The following ANKRD33B variants were observed in gnomAD, a reference collection of about 807,000 sequenced individuals.
ANKRD33B encodes the protein ankyrin repeat domain 33B, also known as ankyrin repeat domain-containing protein 33B.
A neutral mutation model predicts 21.5 loss-of-function variants in ANKRD33B; 6 were observed. The observed-to-expected ratio is 0.28, with a 90% CI of 0.15 to 0.55. The LOEUF (loss-of-function observed/expected upper bound fraction) is 0.55. Ranked by LOEUF, ANKRD33B falls within the 20% of genes least tolerant of loss-of-function variation. The pLI, the probability that ANKRD33B is intolerant of heterozygous loss-of-function variation, is 0.94. For synonymous variants in ANKRD33B, 347 were observed against 342.4 expected (o/e 1.01, Z -0.15); for missense variants, 698 against 747.2 (o/e 0.93, Z 0.77).
intron 1 of ANKRD33B, among the ~76,000 whole-genome samples, chr5:10,589,170 TGG>T (rs1466903274): frequency 2.0e-5 from 3 of 152,098 alleles, no homozygotes; most frequent in Non-Finnish European, 4.4e-5. Flanking sequence ...AACCGTGCTG[TGG>T]GAAACCCACC....
intron 2 of ANKRD33B, among the ~76,000 whole-genome samples, chr5:10,637,425 G>GAGACAC (rs1275126479): frequency 1.1e-3 from 109 of 100,392 alleles, no homozygotes; most frequent in African/African-American, 4.2e-3. Context: ...TAGGTAGTTA[G>GAGACAC]ACACACACAC....
intron 1 of ANKRD33B, among the ~76,000 whole-genome samples, chr5:10,595,701 G>A (rs1018368485): frequency 2.0e-5 from 3 of 152,178 alleles, no homozygotes; most frequent in Admixed American, 6.5e-5. Flanking sequence ...CTTAAGAGAC[G>A]AAATGAATCT....
Position 10,649,502 on chromosome 5 carries a change from A to G in ANKRD33B, c.874A>G (p.Thr292Ala). The G allele has an allele frequency of 6.5e-7, 1 of 1,534,604 alleles. No homozygotes were observed. The highest frequency in any genetic ancestry group is 8.7e-7 in the Non-Finnish European group (1 of 1,146,182). The change falls in exon 4 of 4, where the codon ACG becomes GCG. Residue 292 changes from threonine (T) to alanine (A), a missense_variant. Coordinates refer to ENST00000296657, the MANE Select transcript of ANKRD33B (RefSeq NM_001164440.2). The stretch of plus-strand genomic sequence containing the variant: ...CACAGACTGCGTGCTGTCCGTGCTG[A>G]CGCCGCGCTCCGTGCGGGGCCCGGA... ...RLTDCVLSVLTPRSVRGPEDG... is the reference protein window; with the variant it reads ...RLTDCVLSVLAPRSVRGPEDG...
chr5:10,625,063 T>G, intron 2 of ANKRD33B: 1 of 297,316 alleles, frequency 3.4e-6, no homozygotes, highest in Non-Finnish European at 6.7e-6. Flanking sequence ...CCACGAGAGA[T>G]GTTGTCAGAC....
intron 2 of ANKRD33B, among the ~76,000 whole-genome samples, chr5:10,637,101 G>A (rs1413905648): frequency 2.0e-5 from 3 of 152,172 alleles, no homozygotes; most frequent in African/African-American, 7.2e-5. Context: ...AGGGGGAGAT[G>A]TATTCACACA....
At chr5:10,638,847 C>T (rs941275202) in intron 3 of ANKRD33B, among the ~76,000 whole-genome samples, 23 of 151,904 alleles carry the variant, frequency 1.5e-4, no homozygotes, top group Non-Finnish European at 2.9e-4. Flanking sequence ...TACATGGTAA[C>T]ATTAAGAGGC....
chr5:10,653,819 C>T lies in ANKRD33B; in HGVS notation c.*3706C>T, dbSNP rs984896165. 1 of 152,428 alleles carries T rather than the reference C, an allele frequency of 6.6e-6. No individual in the cohort carries two copies. The allele number at this position is 152,428 out of a possible 1,614,324, so 9.4% of individuals were successfully genotyped here. On this transcript the variant is annotated 3_prime_UTR_variant, in exon 4 of 4. Coordinates refer to ENST00000296657, the MANE Select transcript of ANKRD33B (RefSeq NM_001164440.2). The stretch of plus-strand genomic sequence containing the variant: ...CCTTGGAGAACATTTTTCATTTTGT[C>T]TGTTTTCGTTGCTTTGAACAGCTGC...
At chr5:10,603,411 C>T (rs1735974940) in intron 1 of ANKRD33B, among the ~76,000 whole-genome samples, 2 of 151,496 alleles carry the variant, frequency 1.3e-5, no homozygotes, top group African/African-American at 4.9e-5. Flanking sequence ...TATAGGTGTG[C>T]ACCACCATGC....
At chr5:10,637,423 T>TACACACAC (rs1326182714) in intron 2 of ANKRD33B, among the ~76,000 whole-genome samples, 2 of 48,334 alleles carry the variant, frequency 4.1e-5, no homozygotes, top group Non-Finnish European at 7.6e-5. Context: ...CGTAGGTAGT[T>TACACACAC]AGACACACAC....
At chr5:10,612,220 A>T (rs1736186423) in intron 1 of ANKRD33B, among the ~76,000 whole-genome samples, 1 of 152,228 alleles carries the variant, frequency 6.6e-6, no homozygotes, top group Non-Finnish European at 1.5e-5. Flanking sequence ...CTGCTATAGC[A>T]AAATACAGTA....
intron 1 of ANKRD33B, among the ~76,000 whole-genome samples, chr5:10,605,803 A>G (rs1439000955): frequency 6.6e-6 from 1 of 152,192 alleles, no homozygotes; most frequent in Non-Finnish European, 1.5e-5. Flanking sequence ...TGCTGGGATT[A>G]CAGGCATGAG....
intron 1 of ANKRD33B, among the ~76,000 whole-genome samples, chr5:10,618,057 C>G (rs1194015968): frequency 6.6e-6 from 1 of 152,220 alleles, no homozygotes; most frequent in Non-Finnish European, 1.5e-5. Context: ...GTGTGTTTCC[C>G]TCCCTGGAGA....
chr5:10,619,473 C>A lies in ANKRD33B; in HGVS notation c.496+1011C>A. The A allele has an allele frequency of 1.3e-6, 1 of 775,398 alleles. No homozygotes were observed. The highest frequency in any genetic ancestry group is 1.6e-6 in the Non-Finnish European group (1 of 638,266). The allele number at this position is 775,398 out of a possible 1,614,324, so 48.0% of individuals were successfully genotyped here. A position where few individuals can be genotyped will look rare whatever the true frequency, so the allele number is the denominator to read the frequency against. ...TCACAAGCTCCTGGACCAAAGCCAC[C>A]CTGGGTGGATCTGATGGGTGGGGGG... On this transcript the variant is annotated intron_variant, in intron 2 of 3. Coordinates refer to ENST00000296657, the MANE Select transcript of ANKRD33B (RefSeq NM_001164440.2). The surrounding 1 kb of genome is among the most constrained non-coding windows in gnomAD (Gnocchi z 4.5).
Position 10,625,041 on chromosome 5 carries a change from G to A in ANKRD33B, c.496+6579G>A, listed in dbSNP as rs565856689. On this transcript the variant is annotated intron_variant, in intron 2 of 3. Transcript: ENST00000296657. Reference sequence around the variant, plus strand: ...TCTCAGTGGGCACTGAAGACCAGCAGAGTCACAGACCCCACGAGAGATGTT... The same window carrying A: ...TCTCAGTGGGCACTGAAGACCAGCAAAGTCACAGACCCCACGAGAGATGTT... 3.6e-4 allele frequency: 120 copies of A among 330,810 alleles called. 2 individuals carry two copies. The highest frequency in any genetic ancestry group is 2.8e-3 in the South Asian group (116 of 42,146). 20.5% of individuals were successfully genotyped at this position (330,810 alleles called of 1,614,324 possible). A position where few individuals can be genotyped will look rare whatever the true frequency, so the allele number is the denominator to read the frequency against.
chr5:10,607,312 A>G (rs963658544), intron 1 of ANKRD33B, among the ~76,000 whole-genome samples: 2 of 152,050 alleles, frequency 1.3e-5, no homozygotes, highest in East Asian at 3.8e-4. Flanking sequence ...CTCTGCCCTC[A>G]CTCCGGAGGC....
intron 1 of ANKRD33B, among the ~76,000 whole-genome samples, chr5:10,566,556 G>A (rs1735066985): frequency 6.6e-6 from 1 of 152,238 alleles, no homozygotes. Context: ...GGAGGGGCCT[G>A]GCTCGCCCAG....
intron 1 of ANKRD33B, among the ~76,000 whole-genome samples, chr5:10,580,485 A>C (rs140927691): frequency 7.9e-5 from 12 of 151,700 alleles, no homozygotes; most frequent in Admixed American, 6.6e-5. Flanking sequence ...AGCACCATGG[A>C]TGTTTCTTGT....
At chr5:10,597,121 G>C (rs976944327) in intron 1 of ANKRD33B, among the ~76,000 whole-genome samples, 1 of 152,156 alleles carries the variant, frequency 6.6e-6, no homozygotes, top group Non-Finnish European at 1.5e-5. Context: ...ACACTATGAG[G>C]CAACAACATA....
intron 2 of ANKRD33B, among the ~76,000 whole-genome samples, chr5:10,636,259 A>C (rs1012795290): frequency 1.3e-5 from 2 of 152,326 alleles, no homozygotes; most frequent in East Asian, 3.9e-4. Context: ...TGAAAGGAAC[A>C]TGCTTGAGTT....
Sources: gnomAD v4.1 joint callset for allele counts (sites outside exome capture counted in the v4.1 genomes callset) on GRCh38, gnomAD v4.1.1 for gene constraint, Gnocchi (gnomAD v3.1) non-coding constraint, MANE v1.5 for transcripts, NCBI Gene and HGNC (gene_info 2026-07-23, HGNC 2026-07-21) for gene names.